SIM2: variants seen among roughly 807,000 people sequenced by gnomAD.
SIM2 encodes SIM bHLH transcription factor 2.
Under a neutral mutation model 64.8 loss-of-function variants are expected in SIM2, and 28 were observed. The observed-to-expected ratio is 0.43, with a 90% CI of 0.32 to 0.59. SIM2 has a LOEUF of 0.59. Among genes scored for constraint, SIM2 ranks in the 20% least tolerant of loss-of-function variants. The pLI is 0.07. For synonymous variants in SIM2, 408 were observed against 391.1 expected (o/e 1.04, Z -0.51); for missense variants, 847 against 871.4 (o/e 0.97, Z 0.35).
rs1472301320 is a variant in SIM2, at chr21:36,719,952, A to G, written c.457+23A>G. ...AAGGTATTCCATCCAGAGGGAAAAA[A>G]AAAAACAGACTAAAAGCAAGGCGAC... On this transcript the variant is annotated intron_variant, in intron 4 of 10. Transcript: ENST00000290399. 5.4e-6 allele frequency: 8 copies of G among 1,472,152 alleles called. No individual in the cohort carries two copies. In the South Asian group the frequency reaches 7.9e-5, roughly 15 times the overall value. The allele number at this position is 1,472,152 out of a possible 1,614,324, so 91.2% of individuals were successfully genotyped here.
rs1428314448 is a variant in SIM2, at chr21:36,726,241, C to G, written c.666C>G (p.Ile222Met). 6.2e-7 allele frequency: 1 copy of G among 1,613,826 alleles called. No individual in the cohort carries two copies. The highest frequency in any genetic ancestry group is 2.2e-5 in the East Asian group (1 of 44,882). ...GCCAGTCGCTGCCACCCAGTGCCAT[C>G]ACCGAGATCAAGCTGTACAGTAACA... ...AVGQSLPPSA[I>M]TEIKLYSNMF... is the part of the protein sequence containing the mutation. Residue 222 changes from isoleucine to methionine, a missense_variant, in exon 6 of 11, where the codon ATC (isoleucine) becomes ATG (methionine). By Grantham distance (10) the Ile-to-Met change is conservative. This residue lies in a region of SIM2 where 397 missense variants were observed against 439.2 expected (regional missense o/e 0.90). Transcript: ENST00000290399. This position sits in a 1 kb window ranked among gnomAD's most constrained non-coding sequence, Gnocchi z 4.5.
At position 36,745,065 on chromosome 21, in the gene SIM2, C is replaced by T. The variant is rs976047465; in HGVS notation, c.1505C>T (p.Ser502Leu). 22 of 1,613,324 alleles carry T rather than the reference C, an allele frequency of 1.4e-5. No individual in the cohort carries two copies. Among genetic ancestry groups the T allele is most frequent in the African/African-American group, 5.3e-5 (4 of 74,938 alleles). Residue 502 changes from serine to leucine, a missense_variant, in exon 10 of 11, where the codon TCG (serine) becomes TTG (leucine). Coordinates refer to ENST00000290399, the MANE Select transcript of SIM2 (RefSeq NM_005069.6). The surrounding 1 kb of genome is among the most constrained non-coding windows in gnomAD (Gnocchi z 4.8). ...GCCAACCCCCTAGTGCCTAGCAGCT[C>T]GTCTCCAGCTAAAAATCCTCCAGAG... The part of the protein sequence containing the change: ...HYANPLVPSS[S>L]SPAKNPPEPP...
In SIM2 at chr21:36,699,999, G is replaced by T. The variant is rs986583372; in HGVS notation, c.175+78G>T. On this transcript the variant is annotated intron_variant, in intron 1 of 10. Coordinates refer to ENST00000290399, the MANE Select transcript of SIM2 (RefSeq NM_005069.6). The surrounding 1 kb of genome is among the most constrained non-coding windows in gnomAD (Gnocchi z 5.6). Reference sequence around the variant, plus strand: ...CCAGGCGGGAAGCGCAAGCCAGCCCGCCCAGAGGGGTTGCCGCGGCCTGGC... The same window carrying T: ...CCAGGCGGGAAGCGCAAGCCAGCCCTCCCAGAGGGGTTGCCGCGGCCTGGC... 22 of 1,418,388 alleles carry T rather than the reference G, an allele frequency of 1.6e-5. No homozygotes were observed. The highest frequency in any genetic ancestry group is 3.0e-5 in the African/African-American group (2 of 66,798). 87.9% of individuals were successfully genotyped at this position (1,418,388 alleles called of 1,614,324 possible). A position where few individuals can be genotyped will look rare whatever the true frequency, so the allele number is the denominator to read the frequency against.
Position 36,745,853 on chromosome 21 carries a change from G to T in SIM2, c.1576+717G>T. ...CTCCCCAGGACGCAGACTGACTCCT[G>T]TTTGCTCGCTGGACCAACCCCAGGC... On this transcript the variant is annotated intron_variant, in intron 10 of 10. Transcript: ENST00000290399. The surrounding 1 kb of genome is among the most constrained non-coding windows in gnomAD (Gnocchi z 4.8). 7.7e-7 allele frequency: 1 copy of T among 1,303,564 alleles called. No individual in the cohort carries two copies. The allele number at this position is 1,303,564 out of a possible 1,614,324, so 80.7% of individuals were successfully genotyped here.
intron 10 of SIM2, chr21:36,746,312 C>CA (rs71326702): frequency 0.29 from 39,210 of 137,554 alleles, 5,583 homozygotes; most frequent in Middle Eastern, 0.4. Flanking sequence ...GAGACTGTCT[C>CA]AAAAAAAAAA....
intron 7 of SIM2, among the ~76,000 whole-genome samples, chr21:36,734,123 TCAC>T (rs2089012427): frequency 6.6e-6 from 1 of 152,136 alleles, no homozygotes; most frequent in Admixed American, 6.5e-5. Flanking sequence ...CTGTCAGCCG[TCAC>T]CACCACACCA....
intron 6 of SIM2, among the ~76,000 whole-genome samples, chr21:36,729,291 A>G (rs1432847099): frequency 6.6e-6 from 1 of 152,010 alleles, no homozygotes; most frequent in Non-Finnish European, 1.5e-5. Context: ...ACAGAGTTAG[A>G]TTCTGATGGG....
intron 2 of SIM2, 27 bp downstream of exon 2, chr21:36,709,277 C>G (rs2070648): frequency 0.71 from 1,105,440 of 1,557,930 alleles, 393,668 homozygotes; most frequent in African/African-American, 0.88. Context: ...GGGGGAGGAG[C>G]GCAGCCGCCG....
chr21:36,702,701 A>T (rs924789289), intron 1 of SIM2, among the ~76,000 whole-genome samples: 3 of 151,908 alleles, frequency 2.0e-5, no homozygotes, highest in Non-Finnish European at 2.9e-5. Context: ...GCGAGGGAGG[A>T]TATGGCTGCG....
intron 3 of SIM2, among the ~76,000 whole-genome samples, chr21:36,714,412 T>C (rs952059194): frequency 1.3e-5 from 2 of 152,250 alleles, no homozygotes; most frequent in Admixed American, 6.5e-5. Context: ...TATTCAGTTA[T>C]AGAGTTTTTA....
intron 4 of SIM2, among the ~76,000 whole-genome samples, chr21:36,721,113 G>A (rs761332256): frequency 5.7e-4 from 86 of 152,136 alleles, no homozygotes; most frequent in South Asian, 8.3e-4. Flanking sequence ...TCTGTGGCCC[G>A]CAAGTTCCAG....
Position 36,743,478 on chromosome 21 carries a change from C to T in SIM2, c.1090C>T (p.Gln364Ter). 6.2e-7 allele frequency: 1 copy of T among 1,614,094 alleles called. No individual in the cohort carries two copies. The highest frequency in any genetic ancestry group is 8.5e-7 in the Non-Finnish European group (1 of 1,179,984). The change falls in exon 9 of 11, where the codon CAA (glutamine) becomes TAA (stop). Residue 364 changes from glutamine to a stop codon, truncating the protein, a stop_gained. Transcript: ENST00000290399. LOFTEE classifies it high-confidence loss of function. ...CTGGAGGACCGCCTTGTCTACCTCA[C>T]AAGAAACTAGGAAATTAGTGAAACC... ...DSWRTALSTS[Q>*]ETRKLVKPKN...
intron 1 of SIM2, among the ~76,000 whole-genome samples, chr21:36,700,367 C>T (rs2088473622): frequency 6.8e-6 from 1 of 147,642 alleles, no homozygotes; most frequent in Admixed American, 6.8e-5. Context: ...CCCTTCCTTC[C>T]TTCCTTGGCC....
chr21:36,710,841 TG>T (rs1343660367), intron 2 of SIM2, among the ~76,000 whole-genome samples: 1 of 152,224 alleles, frequency 6.6e-6, no homozygotes, highest in Non-Finnish European at 1.5e-5. Context: ...CTGGGAGCCC[TG>T]CCCAGGCGGC....
Position 36,712,610 on chromosome 21 carries a change from A to G in SIM2, c.336A>G (p.Leu112=), listed in dbSNP as rs2088692558. The change falls in exon 3 of 11, where the codon TTA becomes TTG. Residue 112 remains leucine, a synonymous_variant. Transcript: ENST00000290399. ...MYISETASVH[L]GLSQVELTGN... ...TATCCGAGACCGCTTCTGTCCATTT[A>G]GGCTTATCCCAGGTGGGTATTGCCT... is the stretch of plus-strand genomic sequence containing the variant. 3.1e-6 allele frequency: 5 copies of G among 1,612,060 alleles called. No individual in the cohort carries two copies. Among genetic ancestry groups the G allele is most frequent in the African/African-American group, 1.3e-5 (1 of 74,988 alleles).
At chr21:36,720,977 T>A in intron 4 of SIM2, among the ~76,000 whole-genome samples, 1 of 152,222 alleles carries the variant, frequency 6.6e-6, no homozygotes, top group East Asian at 1.9e-4. Flanking sequence ...GGTAGCTGGC[T>A]GCAGGAAAAA....
chr21:36,741,832 C>G lies in SIM2; in HGVS notation c.966C>G (p.Pro322=). The change falls in exon 8 of 11, where the codon CCC becomes CCG. Residue 322 remains proline, a synonymous_variant. Transcript: ENST00000290399. The part of the protein sequence containing the change: ...TVVHNSRSSR[P]HCIVSVNYVL... Reference sequence around the variant, plus strand: ...TGCACAACAGCCGCTCGTCCCGGCCCCACTGCATCGTGAGTGTCAATTATG... The same window carrying G: ...TGCACAACAGCCGCTCGTCCCGGCCGCACTGCATCGTGAGTGTCAATTATG... The G allele has an allele frequency of 6.2e-7, 1 of 1,605,198 alleles. No individual in the cohort carries two copies. Among genetic ancestry groups the G allele is most frequent in the Non-Finnish European group, 8.5e-7 (1 of 1,176,234 alleles).
intron 10 of SIM2, chr21:36,746,152 T>A: frequency 3.7e-6 from 1 of 270,212 alleles, no homozygotes; most frequent in Non-Finnish European, 6.7e-6. Flanking sequence ...CCATCTCCAC[T>A]AAAAATACAA....
chr21:36,731,244 C>A, intron 7 of SIM2, 93 bp downstream of exon 7: 1 of 829,696 alleles, frequency 1.2e-6, no homozygotes, highest in Non-Finnish European at 1.9e-6. Context: ...TTTGTTGGTG[C>A]AATAATCATC....
Sources: allele counts gnomAD v4.1 joint callset (sites outside exome capture counted in the v4.1 genomes callset), GRCh38; gene constraint gnomAD v4.1.1; regional missense constraint gnomAD v4.1.1; non-coding constraint Gnocchi (gnomAD v3.1); transcripts MANE v1.5; gene names NCBI Gene and HGNC (gene_info 2026-07-23, HGNC 2026-07-21).